PTPRD: variants seen among roughly 807,000 people sequenced by gnomAD.
PTPRD encodes the protein receptor-type tyrosine-protein phosphatase delta.
PTPRD carries 34 observed loss-of-function variants against 214.5 expected under a neutral mutation model. That is an observed-to-expected ratio of 0.16 (90% CI 0.12 to 0.21). PTPRD has a LOEUF of 0.21. Among genes scored for constraint, PTPRD ranks in the 10% least tolerant of loss-of-function variants. The probability of loss-of-function intolerance (pLI) is 1.00; values close to 1 mark genes in which losing one functional copy is unlikely to be tolerated. For missense variants in PTPRD, 2,545 were observed against 2,398.7 expected (o/e 1.06, Z -1.27); for synonymous variants, 1,128 against 845.7 (o/e 1.33, Z -5.79).
At chr9:9,265,376 A>T (rs1938851154) in intron 9 of PTPRD, among the ~76,000 whole-genome samples, 3 of 151,450 alleles carry the variant, frequency 2.0e-5, no homozygotes, top group Admixed American at 6.6e-5. Flanking sequence ...ATGCTGCCCT[A>T]CTGAATAGCT....
At chr9:9,788,402 A>G (rs944673458) in intron 5 of PTPRD, among the ~76,000 whole-genome samples, 20 of 151,616 alleles carry the variant, frequency 1.3e-4, no homozygotes, top group African/African-American at 4.3e-4. Context: ...ATACAAAAAA[A>G]TTACCCGGGC....
At chr9:9,272,306 A>G (rs926675638) in intron 9 of PTPRD, among the ~76,000 whole-genome samples, 1 of 151,334 alleles carries the variant, frequency 6.6e-6, no homozygotes, top group Non-Finnish European at 1.5e-5. Context: ...TCGGAATTAG[A>G]CTAAAAGAAA....
chr9:9,710,460 T>C (rs2097704655), intron 7 of PTPRD, among the ~76,000 whole-genome samples: 2 of 152,106 alleles, frequency 1.3e-5, no homozygotes, highest in South Asian at 2.1e-4. Context: ...ATGGTAAATA[T>C]GTAAAAACAG....
intron 2 of PTPRD, among the ~76,000 whole-genome samples, chr9:10,444,400 C>A (rs930622682): frequency 4.0e-5 from 6 of 151,748 alleles, no homozygotes; most frequent in African/African-American, 1.4e-4. Context: ...CCTTTACAGA[C>A]ATAAATACTA....
chr9:9,664,705 T>G (rs1214142845), intron 7 of PTPRD, among the ~76,000 whole-genome samples: 5 of 151,728 alleles, frequency 3.3e-5, no homozygotes, highest in African/African-American at 1.2e-4. Flanking sequence ...TGTTAAAGTA[T>G]TATTACTTAA....
intron 3 of PTPRD, among the ~76,000 whole-genome samples, chr9:10,212,244 G>C (rs1181041902): frequency 6.6e-6 from 1 of 151,984 alleles, no homozygotes; most frequent in Non-Finnish European, 1.5e-5. Context: ...GCAAGCAAAA[G>C]AAAGAGTAGG....
At chr9:9,229,536 G>C (rs2099961763) in intron 9 of PTPRD, among the ~76,000 whole-genome samples, 1 of 152,078 alleles carries the variant, frequency 6.6e-6, no homozygotes, top group Non-Finnish European at 1.5e-5. Context: ...GTCCTCTCTA[G>C]ACTGTACAAA....
intron 4 of PTPRD, among the ~76,000 whole-genome samples, chr9:10,005,863 T>C (rs1203679701): frequency 6.6e-6 from 1 of 152,008 alleles, no homozygotes; most frequent in East Asian, 1.9e-4. Flanking sequence ...AGAACAAAAT[T>C]GTACTAAAAT....
intron 2 of PTPRD, among the ~76,000 whole-genome samples, chr9:10,412,787 G>GA (rs1378868397): frequency 6.6e-6 from 1 of 151,736 alleles, no homozygotes; most frequent in African/African-American, 2.4e-5. Flanking sequence ...TCATCTCCAG[G>GA]ATGCAAGGTT....
intron 2 of PTPRD, among the ~76,000 whole-genome samples, chr9:10,438,239 T>G (rs138677556): frequency 6.6e-6 from 1 of 151,566 alleles, no homozygotes; most frequent in South Asian, 2.1e-4. Context: ...TCCAACTTTA[T>G]GGTCTAATTA....
intron 12 of PTPRD, among the ~76,000 whole-genome samples, chr9:8,666,181 AT>A (rs541059729): frequency 2.3e-3 from 352 of 152,228 alleles, no homozygotes; most frequent in African/African-American, 8.0e-3. Flanking sequence ...TAAATTGAAG[AT>A]TTTTTTCCCC....
chr9:10,010,473 G>A lies in PTPRD; in HGVS notation c.-472+23245C>T, dbSNP rs377469531. ...TTGGTGGAAAATGAGGGAGGGGATTGGTGAAAAATGAGGAAAATGAGGGAG... is the reference window on the plus strand; with the variant it reads ...TTGGTGGAAAATGAGGGAGGGGATTAGTGAAAAATGAGGAAAATGAGGGAG... On this transcript the variant is annotated intron_variant, in intron 4 of 45. Coordinates refer to ENST00000381196, the MANE Select transcript of PTPRD (RefSeq NM_002839.4). Among the ~76,000 whole-genome samples the A allele has an allele frequency of 7.9e-5, 12 of 151,704 alleles. No individual in the cohort carries two copies. In the East Asian group the frequency reaches 1.9e-3, roughly 24 times the overall value.
chr9:8,497,096 A>G (rs2097292497), intron 26 of PTPRD, 146 bp downstream of exon 26: 2 of 677,986 alleles, frequency 2.9e-6, no homozygotes, highest in Non-Finnish European at 4.9e-6. Flanking sequence ...TAAAAAGTGC[A>G]CCACACAGTG....
chr9:9,073,364 TA>T (rs915913008), intron 10 of PTPRD, among the ~76,000 whole-genome samples: 1 of 152,214 alleles, frequency 6.6e-6, no homozygotes, highest in Non-Finnish European at 1.5e-5. Flanking sequence ...CTTCTTTTTT[TA>T]AAAAATCAAA....
intron 3 of PTPRD, among the ~76,000 whole-genome samples, chr9:10,151,326 G>A (rs999420116): frequency 3.1e-5 from 4 of 129,824 alleles, no homozygotes; most frequent in East Asian, 2.2e-4. Context: ...ACAGTGGTGC[G>A]ATCTCGGCTC....
chr9:10,437,426 C>T (rs1183780800), intron 2 of PTPRD, among the ~76,000 whole-genome samples: 1 of 151,676 alleles, frequency 6.6e-6, no homozygotes, highest in Non-Finnish European at 1.5e-5. Flanking sequence ...TGTGGTATTT[C>T]CAATTTGACT....
At chr9:10,591,174 C>T (rs2075350913) in intron 2 of PTPRD, among the ~76,000 whole-genome samples, 1 of 151,930 alleles carries the variant, frequency 6.6e-6, no homozygotes, top group African/African-American at 2.4e-5. Context: ...CCCAATTCTA[C>T]TGAGGTCATA....
intron 11 of PTPRD, among the ~76,000 whole-genome samples, chr9:9,012,963 A>C (rs952115275): frequency 1.3e-5 from 2 of 152,152 alleles, no homozygotes; most frequent in African/African-American, 4.8e-5. Flanking sequence ...AATTTTCAGC[A>C]AAATTTTGAG....
chr9:8,347,612 C>G lies in PTPRD; in HGVS notation c.4662-5634G>C, dbSNP rs1161532232. Among the ~76,000 whole-genome samples the G allele has an allele frequency of 3.3e-5, 5 of 152,098 alleles. No individual in the cohort carries two copies. The East Asian group carries it at 9.7e-4, about 29-fold the overall frequency. The stretch of plus-strand genomic sequence containing the variant: ...TTATGGGCTGAATTGTGTTTTTCTT[C>G]TCAAAATTCATATGTTGAAACGCTA... On this transcript the variant is annotated intron_variant, in intron 39 of 45. Coordinates refer to ENST00000381196, the MANE Select transcript of PTPRD (RefSeq NM_002839.4).
Sources: allele counts gnomAD v4.1 joint callset (sites outside exome capture counted in the v4.1 genomes callset), GRCh38; gene constraint gnomAD v4.1.1; transcripts MANE v1.5; gene names NCBI Gene and HGNC (gene_info 2026-07-23, HGNC 2026-07-21).